The following RAPGEF5 variants were observed in gnomAD, a reference collection of about 807,000 sequenced individuals.
The protein encoded by RAPGEF5 is Rap guanine nucleotide exchange factor 5, also known as M-Ras-regulated GEF.
A neutral mutation model predicts 125.2 loss-of-function variants in RAPGEF5; 65 were observed. That is an observed-to-expected ratio of 0.52 (90% CI 0.43 to 0.64). The LOEUF is 0.64. Ranked by LOEUF, RAPGEF5 falls within the 30% of genes least tolerant of loss-of-function variation. The pLI, the probability that RAPGEF5 is intolerant of heterozygous loss-of-function variation, is 0.00. For synonymous variants in RAPGEF5, 391 were observed against 385.9 expected (o/e 1.01, Z -0.16); for missense variants, 958 against 1,048.1 (o/e 0.91, Z 1.19).
chr7:22,131,026 A>T lies in RAPGEF5; in HGVS notation c.2481+11T>A, dbSNP rs544564359. 6.5e-7 allele frequency: 1 copy of T among 1,541,592 alleles called. No individual in the cohort carries two copies. The highest frequency in any genetic ancestry group is 8.8e-7 in the Non-Finnish European group (1 of 1,142,136). ...ACTGTAAAAAAGGGAGAAGTAATGA[A>T]ATTTACGTACCAGCTTTTCAAAATT... On this transcript the variant is annotated intron_variant, in intron 24 of 25. Transcript: ENST00000665637.
At chr7:22,201,233 G>A (rs1785269713) in intron 9 of RAPGEF5, among the ~76,000 whole-genome samples, 1 of 152,222 alleles carries the variant, frequency 6.6e-6, no homozygotes. Context: ...GCCAGACAGA[G>A]GTAGGAGGAA....
rs182613117 is a variant in RAPGEF5 at position 22,264,032 on chromosome 7, T to C, written c.796+2932A>G. 3.9e-3 allele frequency among the ~76,000 whole-genome samples: 600 copies of C among 152,328 alleles called. 6 individuals are homozygous for C. Among genetic ancestry groups the C allele is most frequent in the African/African-American group, 0.014 (571 of 41,572 alleles). ...CAACTTTATTCACTGAAAAAATTAC[T>C]ATATTAATTCTCCCAAACATCATTT... On this transcript the variant is annotated intron_variant, in intron 7 of 25. Coordinates refer to ENST00000665637, the MANE Select transcript of RAPGEF5 (RefSeq NM_012294.5).
Position 22,308,447 on chromosome 7 carries a change from C to A in RAPGEF5, c.572G>T (p.Cys191Phe). The A allele has an allele frequency of 6.3e-7, 1 of 1,576,488 alleles. No individual in the cohort carries two copies. The highest frequency in any genetic ancestry group is 1.3e-5 in the African/African-American group (1 of 74,238). ...YVFYQFSSDE[C>F]SYLYCEFERE... ...TTCAAATTCACAGTACAAGTAGCTA[C>A]ATTCATCAGAGGAAAACTGGTAGAA... The change falls in exon 5 of 26, where the codon TGT becomes TTT. Residue 191 changes from cysteine (C) to phenylalanine (F), a missense_variant. By Grantham distance (205) the Cys-to-Phe change is radical. Transcript: ENST00000665637.
At position 22,284,706 on chromosome 7, in the gene RAPGEF5, A is replaced by G. The variant is rs1782756382; in HGVS notation, c.747+6469T>C. Among the ~76,000 whole-genome samples the G allele has an allele frequency of 2.0e-5, 3 of 152,182 alleles. 1 individual carries two copies. The highest frequency in any genetic ancestry group is 2.0e-4 in the Admixed American group (3 of 15,274). ...GTCATTCACTGGGGGTGTAACTTTT[A>G]TTCTTTGAATAGCCATGTCTGATCA... On this transcript the variant is annotated intron_variant, in intron 6 of 25. Transcript: ENST00000665637.
At chr7:22,338,556 C>T (rs1320109532) in intron 1 of RAPGEF5, among the ~76,000 whole-genome samples, 1 of 152,200 alleles carries the variant, frequency 6.6e-6, no homozygotes, top group Admixed American at 6.5e-5. Flanking sequence ...GTATTCTCAA[C>T]GTCTAATGGC....
chr7:22,232,211 T>C (rs1786074958), intron 7 of RAPGEF5, among the ~76,000 whole-genome samples: 1 of 152,220 alleles, frequency 6.6e-6, no homozygotes, highest in Non-Finnish European at 1.5e-5. Context: ...ATGCCATTTA[T>C]GCTTTTTGCC....
chr7:22,193,832 G>A, intron 10 of RAPGEF5, 83 bp downstream of exon 10: 6 of 1,612,008 alleles, frequency 3.7e-6, no homozygotes, highest in Non-Finnish European at 5.1e-6. Context: ...CAGAGAGCGA[G>A]TGAGATGGAG....
intron 8 of RAPGEF5, among the ~76,000 whole-genome samples, chr7:22,230,326 T>C (rs908999812): frequency 3.3e-5 from 5 of 152,224 alleles, no homozygotes; most frequent in Non-Finnish European, 7.3e-5. Context: ...ATCAACAGAT[T>C]TGTAACCTTA....
chr7:22,122,199 T>A lies in RAPGEF5; in HGVS notation c.*207A>T, dbSNP rs537280342. ...TTCTGACTCTCCTTCTGCCTTCTTG[T>A]CCCGAGAGTAGCATGGAGAAACCTC... On this transcript the variant is annotated 3_prime_UTR_variant, in exon 26 of 26. Transcript: ENST00000665637. The A allele has an allele frequency of 1.5e-4, 80 of 518,408 alleles. No homozygotes were observed. Among genetic ancestry groups the A allele is most frequent in the South Asian group, 5.4e-5 (2 of 36,790 alleles). 32.1% of individuals were successfully genotyped at this position (518,408 alleles called of 1,614,324 possible).
At chr7:22,127,977 G>T (rs983802539) in intron 24 of RAPGEF5, among the ~76,000 whole-genome samples, 1 of 152,228 alleles carries the variant, frequency 6.6e-6, no homozygotes, top group Admixed American at 6.5e-5. Flanking sequence ...ACTCATGTCT[G>T]TGCATGTATT....
intron 11 of RAPGEF5, among the ~76,000 whole-genome samples, chr7:22,185,505 A>T (rs1784799084): frequency 6.6e-6 from 1 of 152,228 alleles, no homozygotes; most frequent in Non-Finnish European, 1.5e-5. Flanking sequence ...TGGTCAACAA[A>T]TACCGTACAT....
intron 6 of RAPGEF5, among the ~76,000 whole-genome samples, chr7:22,275,103 C>T (rs924636729): frequency 3.9e-5 from 6 of 152,136 alleles, no homozygotes; most frequent in South Asian, 2.1e-4. Context: ...CCCACCTCCC[C>T]GCCTTGTATG....
intron 7 of RAPGEF5, among the ~76,000 whole-genome samples, chr7:22,252,862 T>C (rs187794249): frequency 1.6e-4 from 24 of 152,318 alleles, no homozygotes; most frequent in South Asian, 4.1e-4. Flanking sequence ...ACTTTCTTGA[T>C]TGTAAGAATT....
intron 8 of RAPGEF5, among the ~76,000 whole-genome samples, chr7:22,227,321 A>G (rs186903948): frequency 7.4e-4 from 112 of 152,354 alleles, no homozygotes; most frequent in African/African-American, 2.6e-3. Context: ...ACAGTATTAA[A>G]TAAGAGCTTT....
At chr7:22,263,184 G>C (rs1782197329) in intron 7 of RAPGEF5, among the ~76,000 whole-genome samples, 2 of 152,162 alleles carry the variant, frequency 1.3e-5, no homozygotes, top group South Asian at 4.1e-4. Flanking sequence ...AGTCAGTGTA[G>C]CTATAAAGGA....
chr7:22,181,659 T>C (rs932282076), intron 11 of RAPGEF5, among the ~76,000 whole-genome samples: 1 of 152,174 alleles, frequency 6.6e-6, no homozygotes, highest in African/African-American at 2.4e-5. Context: ...CACGTTTCTG[T>C]CACCCGTATT....
At chr7:22,210,749 T>C (rs1001591819) in intron 9 of RAPGEF5, among the ~76,000 whole-genome samples, 3 of 152,216 alleles carry the variant, frequency 2.0e-5, no homozygotes, top group Non-Finnish European at 2.9e-5. Flanking sequence ...CACTGACTTA[T>C]GTACAAATGT....
chr7:22,315,343 T>C, intron 3 of RAPGEF5, 27 bp downstream of exon 3: 2 of 1,531,388 alleles, frequency 1.3e-6, no homozygotes, highest in Non-Finnish European at 1.8e-6. Flanking sequence ...AGAGAATTTC[T>C]GACAAGGTGT....
At chr7:22,161,073 T>C (rs1312198620) in intron 13 of RAPGEF5, among the ~76,000 whole-genome samples, 1 of 147,994 alleles carries the variant, frequency 6.8e-6, no homozygotes, top group African/African-American at 2.5e-5. Flanking sequence ...CCATGCGTGG[T>C]AGCGGGCGCC....
Sources: gnomAD v4.1 joint callset for allele counts (sites outside exome capture counted in the v4.1 genomes callset) on GRCh38, gnomAD v4.1.1 for gene constraint, MANE v1.5 for transcripts, NCBI Gene and HGNC (gene_info 2026-07-23, HGNC 2026-07-21) for gene names.